Variants in MN1 observed in about 807,000 individuals in gnomAD.
MN1 encodes transcriptional activator MN1.
Under a neutral mutation model 86.9 loss-of-function variants are expected in MN1, and 19 were observed. The observed-to-expected ratio is 0.22, with a 90% CI of 0.15 to 0.32. The LOEUF (loss-of-function observed/expected upper bound fraction) is 0.32, where lower values mean the gene tolerates loss of function less well. Among genes scored for constraint, MN1 ranks in the 10% least tolerant of loss-of-function variants. The pLI is 1.00. For synonymous variants in MN1, 928 were observed against 849.6 expected (o/e 1.09, Z -1.60); for missense variants, 1,841 against 1,862.0 (o/e 0.99, Z 0.21).
chr22:27,783,489 T>A (rs1180324404), intron 1 of MN1, among the ~76,000 whole-genome samples: 1 of 152,144 alleles, frequency 6.6e-6, no homozygotes, highest in Non-Finnish European at 1.5e-5. Context: ...CCAGTTCTGG[T>A]CTGCACGAGG....
intron 1 of MN1, among the ~76,000 whole-genome samples, chr22:27,782,258 C>A (rs576669774): frequency 6.6e-6 from 1 of 152,132 alleles, no homozygotes; most frequent in Non-Finnish European, 1.5e-5. Flanking sequence ...CTCCCTTCCC[C>A]GGCCCCACAC....
intron 1 of MN1, among the ~76,000 whole-genome samples, chr22:27,786,786 G>C (rs1933139497): frequency 6.6e-6 from 1 of 150,594 alleles, no homozygotes; most frequent in South Asian, 2.1e-4. Flanking sequence ...TGGGAACCTA[G>C]ACTACTGGTG....
In MN1 at chr22:27,799,242, C is replaced by T; in HGVS notation, c.1302G>A (p.Pro434=). The T allele has an allele frequency of 1.3e-6, 2 of 1,590,080 alleles. No individual in the cohort carries two copies. Among genetic ancestry groups the T allele is most frequent in the Non-Finnish European group, 1.7e-6 (2 of 1,166,106 alleles). Residue 434 remains proline (P), a synonymous_variant, in exon 1 of 2, where the codon CCG becomes CCA. Coordinates refer to ENST00000302326, the MANE Select transcript of MN1 (RefSeq NM_002430.3). The part of the protein sequence containing the change: ...EPVFSMQHPP[P]QQAPNQRLQH... Reference sequence around the variant, plus strand: ...GCAGCCGCTGGTTGGGCGCCTGCTGCGGAGGAGGATGCTGCATGCTGAAAA... The same window carrying T: ...GCAGCCGCTGGTTGGGCGCCTGCTGTGGAGGAGGATGCTGCATGCTGAAAA...
chr22:27,774,961 G>A (rs1233084465), intron 1 of MN1, among the ~76,000 whole-genome samples: 1 of 152,188 alleles, frequency 6.6e-6, no homozygotes, highest in Non-Finnish European at 1.5e-5. Context: ...CAACTCCACA[G>A]GTGATGGGGA....
In MN1 at chr22:27,797,460, C is replaced by T. The variant is rs200003316; in HGVS notation, c.3084G>A (p.Leu1028=). 2,935 of 1,602,624 alleles carry T rather than the reference C, an allele frequency of 1.8e-3. 7 individuals are homozygous for T. The highest frequency in any genetic ancestry group is 2.0e-3 in the Non-Finnish European group (2,339 of 1,174,528). Residue 1028 remains leucine, a synonymous_variant, in exon 1 of 2, where the codon CTG becomes CTA. Transcript: ENST00000302326. ...TACTGTCCGACTTGGCCCCGCCGTC[C>T]AGGGACCCAATGAGGTCCGGCTGAT... ...LGDQPDLIGS[L]DGGAKSDSSS...
chr22:27,759,361 G>A (rs2146295535), intron 1 of MN1, among the ~76,000 whole-genome samples: 1 of 152,318 alleles, frequency 6.6e-6, no homozygotes, highest in African/African-American at 2.4e-5. Context: ...TCTGGGCTCA[G>A]GGGCAGGAAC....
intron 1 of MN1, among the ~76,000 whole-genome samples, chr22:27,792,711 A>G (rs2146312866): frequency 6.6e-6 from 1 of 152,236 alleles, no homozygotes; most frequent in South Asian, 2.1e-4. Flanking sequence ...ACACCTGCGA[A>G]GTTTTGGGTT....
At position 27,784,145 on chromosome 22, in the gene MN1, G is replaced by T. The variant is rs571900692; in HGVS notation, c.3781+12618C>A. On this transcript the variant is annotated intron_variant, in intron 1 of 1. Transcript: ENST00000302326. ...GTCGTATAAAGGGGAGCAGGACTGG[G>T]GACCCTGGATCTCCCCTGCAGTCAT... 2.6e-5 allele frequency among the ~76,000 whole-genome samples: 4 copies of T among 152,274 alleles called. No homozygotes were observed. In the East Asian group the frequency reaches 7.7e-4, roughly 29 times the overall value.
rs11379447 is a variant in MN1 at position 27,750,780 on chromosome 22, A to AG, written c.*134dup. On this transcript the variant is annotated 3_prime_UTR_variant, in exon 2 of 2. Transcript: ENST00000302326. ...TGCCACTAAGCAGGTACCAACCTAG[A>AG]GAAAAAAAAAAAACTCATCCACTCA... The AG allele has an allele frequency of 0.37, 244,035 of 662,860 alleles. 31,347 individuals carry two copies. The highest frequency in any genetic ancestry group is 0.49 in the African/African-American group (25,138 of 51,334). 41.1% of individuals were successfully genotyped at this position (662,860 alleles called of 1,614,324 possible). A position where few individuals can be genotyped will look rare whatever the true frequency, so the allele number is the denominator to read the frequency against.
At chr22:27,757,678 G>C (rs949462276) in intron 1 of MN1, among the ~76,000 whole-genome samples, 2 of 152,144 alleles carry the variant, frequency 1.3e-5, no homozygotes, top group East Asian at 1.9e-4. Flanking sequence ...TCAACTGGGG[G>C]GCTGGGCGAC....
At chr22:27,765,370 A>G (rs575872747) in intron 1 of MN1, among the ~76,000 whole-genome samples, 79 of 152,288 alleles carry the variant, frequency 5.2e-4, no homozygotes, top group African/African-American at 1.9e-3. Context: ...CTTTCTACTT[A>G]AAAATCAATA....
In MN1 at chr22:27,798,987, G is replaced by C. The variant is rs762361626; in HGVS notation, c.1557C>G (p.His519Gln). ...GPPLQHPAPD[H>Q]QSLQQQQQQQ... ...GCTGCTGCTGCTGTTGCAGGGACTGGTGGTCCGGGGCCGGATGCTGCAGGG... is the reference window on the plus strand; with the variant it reads ...GCTGCTGCTGCTGTTGCAGGGACTGCTGGTCCGGGGCCGGATGCTGCAGGG... The change falls in exon 1 of 2, where the codon CAC becomes CAG. Residue 519 changes from histidine to glutamine, a missense_variant. Physicochemically the swap from His to Gln is conservative, Grantham distance 24. Coordinates refer to ENST00000302326, the MANE Select transcript of MN1 (RefSeq NM_002430.3). 5 of 1,604,318 alleles carry C rather than the reference G, an allele frequency of 3.1e-6. No individual in the cohort carries two copies. Among genetic ancestry groups the C allele is most frequent in the Non-Finnish European group, 4.3e-6 (5 of 1,176,428 alleles).
At position 27,799,028 on chromosome 22, in the gene MN1, A is replaced by G; in HGVS notation, c.1516T>C (p.Phe506Leu). 6.2e-7 allele frequency: 1 copy of G among 1,612,026 alleles called. No homozygotes were observed. The highest frequency in any genetic ancestry group is 8.5e-7 in the Non-Finnish European group (1 of 1,179,464). Residue 506 changes from phenylalanine to leucine, a missense_variant, in exon 1 of 2, where the codon TTC becomes CTC. Coordinates refer to ENST00000302326, the MANE Select transcript of MN1 (RefSeq NM_002430.3). ...TGCTGCAGGGGCGGCCCCGAAGGGA[A>G]GCTGTCGGGCACAGGCGGTGTGAAC... ...GEFTPPVPDS[F>L]PSGPPLQHPA...
chr22:27,792,889 G>GC (rs376471092), intron 1 of MN1, among the ~76,000 whole-genome samples: 26 of 151,826 alleles, frequency 1.7e-4, no homozygotes, highest in East Asian at 3.9e-4. Flanking sequence ...GGACCTACCT[G>GC]CCCCCCCGCC....
intron 1 of MN1, among the ~76,000 whole-genome samples, chr22:27,789,102 T>G (rs1199439444): frequency 6.6e-6 from 1 of 152,218 alleles, no homozygotes; most frequent in African/African-American, 2.4e-5. Flanking sequence ...CAAGGGTGCC[T>G]CAGCACCAAA....
rs12628500 is a variant in MN1 at position 27,780,170 on chromosome 22, G to A, written c.3781+16593C>T. Among the ~76,000 whole-genome samples, 1,183 of 152,210 alleles carry A rather than the reference G, an allele frequency of 7.8e-3. 25 individuals carry two copies. The highest frequency in any genetic ancestry group is 0.075 in the East Asian group (389 of 5,166). On this transcript the variant is annotated intron_variant, in intron 1 of 1. Transcript: ENST00000302326. ...GTTCAATGCACATCTACTATGTGCC[G>A]TCAGATCCCAGCCTGTCTGTGCTCC...
At chr22:27,775,913 T>C (rs755194919) in intron 1 of MN1, among the ~76,000 whole-genome samples, 1 of 151,900 alleles carries the variant, frequency 6.6e-6, no homozygotes, top group Non-Finnish European at 1.5e-5. Context: ...CTGACATTTC[T>C]ACTCCCAGCC....
chr22:27,799,147 C>A lies in MN1; in HGVS notation c.1397G>T (p.Gly466Val). The change falls in exon 1 of 2, where the codon GGA (glycine) becomes GTA (valine). Residue 466 changes from glycine to valine, a missense_variant. By Grantham distance (109) the Gly-to-Val change is moderately radical. Coordinates refer to ENST00000302326, the MANE Select transcript of MN1 (RefSeq NM_002430.3). Reference protein sequence around the residue: ...RPRFDFPGSAGVDRCASWNGS... With the variant: ...RPRFDFPGSAVVDRCASWNGS... ...GTTCCACGAAGCGCAGCGGTCCACT[C>A]CCGCGCTGCCCGGAAAGTCGAAGCG... 1.2e-6 allele frequency: 2 copies of A among 1,606,588 alleles called. No individual in the cohort carries two copies. Among genetic ancestry groups the A allele is most frequent in the Non-Finnish European group, 8.5e-7 (1 of 1,174,816 alleles).
intron 1 of MN1, among the ~76,000 whole-genome samples, chr22:27,762,202 G>A (rs1932839574): frequency 6.6e-6 from 1 of 152,212 alleles, no homozygotes; most frequent in African/African-American, 2.4e-5. Context: ...CAGGCCCCGG[G>A]GGGCTGAGGG....
Sources: gnomAD v4.1 joint callset for allele counts (sites outside exome capture counted in the v4.1 genomes callset) on GRCh38, gnomAD v4.1.1 for gene constraint, MANE v1.5 for transcripts, NCBI Gene and HGNC (gene_info 2026-07-23, HGNC 2026-07-21) for gene names.